Variants in OVCH2 observed in about 807,000 individuals in gnomAD.
The protein encoded by OVCH2 is ovochymase-2.
A neutral mutation model predicts 73.7 loss-of-function variants in OVCH2; 88 were observed. That is an observed-to-expected ratio of 1.19 (90% CI 1.01 to 1.43). The LOEUF (loss-of-function observed/expected upper bound fraction) is 1.43, where lower values mean the gene tolerates loss of function less well. Ranked by LOEUF, OVCH2 falls within the 40% of genes most tolerant of loss-of-function variation. OVCH2 has a pLI of 0.00. For synonymous variants in OVCH2, 265 were observed against 234.5 expected (o/e 1.13, Z -1.19); for missense variants, 706 against 674.5 (o/e 1.05, Z -0.52).
At chr11:7,704,741 T>C in intron 1 of OVCH2, 67 bp from the exon 2 acceptor site, 1 of 1,083,908 alleles carries the variant, frequency 9.2e-7, no homozygotes, top group South Asian at 1.4e-5. Flanking sequence ...ATCTTCTCCA[T>C]TTCACCCATG....
At chr11:7,682,379 G>T in the OVCH2 span, among the ~76,000 whole-genome samples, 1 of 152,168 alleles carries the variant, frequency 6.6e-6, no homozygotes, top group Non-Finnish European at 1.5e-5. Flanking sequence ...TTAAATTTCT[G>T]ATTTCAAATT....
At chr11:7,698,639 G>T in intron 8 of OVCH2, 111 bp downstream of exon 8, 3 of 1,136,746 alleles carry the variant, frequency 2.6e-6, no homozygotes, top group South Asian at 1.5e-5. Flanking sequence ...GGTAGTTTTA[G>T]ACCTACTGAG....
At chr11:7,698,579 G>C (rs550862211) in intron 8 of OVCH2, among the ~76,000 whole-genome samples, 171 bp downstream of exon 8, 4 of 150,346 alleles carry the variant, frequency 2.7e-5, no homozygotes, top group African/African-American at 7.3e-5. Flanking sequence ...AATGAAATGG[G>C]AGGGCAACTG....
At chr11:7,685,345 G>A (rs145456589), downstream of OVCH2, among the ~76,000 whole-genome samples, 285 of 152,220 alleles carry the variant, frequency 1.9e-3, no homozygotes, top group Non-Finnish European at 3.5e-3. Context: ...TGCAAGAGCT[G>A]AGACCCTTCA....
rs1856220617 is a variant in OVCH2 at position 7,691,490 on chromosome 11, C to T, written c.1508-90G>A. On this transcript the variant is annotated intron_variant, in intron 13 of 15. Coordinates refer to ENST00000533663, the MANE Select transcript of OVCH2 (RefSeq NM_198185.7). ...AGAAGAAAAAAAGAAAATCATCCTT[C>T]AGGTAATTGTTGAGAAATACGCTTT... The T allele has an allele frequency of 2.1e-6, 3 of 1,459,704 alleles. No homozygotes were observed. In the South Asian group the frequency reaches 4.1e-5, roughly 20 times the overall value. The allele number at this position is 1,459,704 out of a possible 1,614,324, so 90.4% of individuals were successfully genotyped here.
chr11:7,701,832 G>T, intron 4 of OVCH2, 21 bp from the exon 5 acceptor site: 1 of 1,586,530 alleles, frequency 6.3e-7, no homozygotes, highest in East Asian at 2.3e-5. Flanking sequence ...GAGCAAGGTA[G>T]GGCTTGTCTC....
At chr11:7,680,451 TCTC>T in the OVCH2 span, among the ~76,000 whole-genome samples, 1 of 152,082 alleles carries the variant, frequency 6.6e-6, no homozygotes, top group Non-Finnish European at 1.5e-5. Flanking sequence ...ACAGAGAGGC[TCTC>T]CTCAATTATC....
chr11:7,702,199 A>C lies in OVCH2; in HGVS notation c.421T>G (p.Tyr141Asp). Residue 141 changes from tyrosine to aspartate, a missense_variant, in exon 4 of 16, where the codon TAT (tyrosine) becomes GAT (aspartate). Physicochemically the swap from Tyr to Asp is radical, Grantham distance 160. Coordinates refer to ENST00000533663, the MANE Select transcript of OVCH2 (RefSeq NM_198185.7). ...GCCATCTTCAAAAGGGCAATATCAT[A>C]GTCCATTGGTTTCTTGGTGGAGAAA... ...PHFSTKKPMD[Y>D]DIALLKMAGA... is the part of the protein sequence containing the mutation. 6.2e-7 allele frequency: 1 copy of C among 1,612,594 alleles called. No individual in the cohort carries two copies. Among genetic ancestry groups the C allele is most frequent in the Non-Finnish European group, 8.5e-7 (1 of 1,179,338 alleles).
downstream of OVCH2, among the ~76,000 whole-genome samples, chr11:7,685,493 T>C (rs538613269): frequency 3.4e-4 from 52 of 151,274 alleles, no homozygotes; most frequent in East Asian, 9.6e-4. Context: ...ATAATGAGTT[T>C]CTTAAATATT....
chr11:7,703,558 G>A, intron 3 of OVCH2, 140 bp downstream of exon 3: 2 of 615,832 alleles, frequency 3.2e-6, no homozygotes, highest in Middle Eastern at 2.6e-4. Context: ...CCCCATTTGT[G>A]TCATGCAATT....
chr11:7,704,347 G>A (rs1856495285), intron 2 of OVCH2, among the ~76,000 whole-genome samples: 1 of 151,930 alleles, frequency 6.6e-6, no homozygotes, highest in African/African-American at 2.4e-5. Flanking sequence ...TCTAATTTTT[G>A]CTTATCCTAT....
intron 14 of OVCH2, among the ~76,000 whole-genome samples, chr11:7,690,945 T>G (rs1856208514): frequency 6.6e-6 from 1 of 152,214 alleles, no homozygotes; most frequent in Admixed American, 6.5e-5. Context: ...ATAGTGCTGT[T>G]GGCCATGAAT....
intron 5 of OVCH2, 34 bp from the exon 6 acceptor site, chr11:7,701,509 A>T (rs1366150663): frequency 6.3e-7 from 1 of 1,597,248 alleles, no homozygotes. Context: ...CCCAGCAGGA[A>T]CTCTTTCACC....
downstream of OVCH2, among the ~76,000 whole-genome samples, chr11:7,686,904 C>A (rs1856147004): frequency 6.6e-6 from 1 of 152,148 alleles, no homozygotes; most frequent in Non-Finnish European, 1.5e-5. Flanking sequence ...CCCCAAGTGT[C>A]CTGTGGAGAG....
At chr11:7,706,242 G>T in intron 1 of OVCH2, 65 bp downstream of exon 1, 1 of 1,432,208 alleles carries the variant, frequency 7.0e-7, no homozygotes, top group Non-Finnish European at 9.5e-7. Flanking sequence ...GAGTCTCGGA[G>T]TTGTGACGTC....
the OVCH2 span, among the ~76,000 whole-genome samples, chr11:7,682,850 G>T: frequency 6.6e-6 from 1 of 152,124 alleles, no homozygotes; most frequent in Non-Finnish European, 1.5e-5. Flanking sequence ...AAGATTCCTT[G>T]AAAGAATTGT....
the OVCH2 span, among the ~76,000 whole-genome samples, chr11:7,683,676 C>A: frequency 2.0e-5 from 3 of 152,144 alleles, no homozygotes; most frequent in African/African-American, 7.2e-5. Flanking sequence ...ACAAGCTGTC[C>A]TCCCACCTAC....
chr11:7,688,036 A>G (rs115709076), downstream of OVCH2, among the ~76,000 whole-genome samples: 1,671 of 152,302 alleles, frequency 0.011, 38 homozygotes, highest in African/African-American at 0.038. Flanking sequence ...TTAAGCTTCA[A>G]CACATGAATT....
chr11:7,706,377 G>T lies in OVCH2; in HGVS notation c.18C>A (p.Asn6Lys), dbSNP rs1431566371. The change falls in exon 1 of 16, where the codon AAC (asparagine) becomes AAA (lysine). Residue 6 changes from asparagine to lysine, a missense_variant. Coordinates refer to ENST00000533663, the MANE Select transcript of OVCH2 (RefSeq NM_198185.7). Reference protein sequence around the residue: MLISRNKLILLLGIVF... With the variant: MLISRKKLILLLGIVF... ...CTATTCCTAGTAGTAAAATCAGCTTGTTCCTGCTTATAAGCATTTTGAGAC... is the reference window on the plus strand; with the variant it reads ...CTATTCCTAGTAGTAAAATCAGCTTTTTCCTGCTTATAAGCATTTTGAGAC... 5 of 1,578,512 alleles carry T rather than the reference G, an allele frequency of 3.2e-6. No individual in the cohort carries two copies. The highest frequency in any genetic ancestry group is 1.7e-6 in the Non-Finnish European group (2 of 1,160,008).
Sources: gnomAD v4.1 joint callset for allele counts (sites outside exome capture counted in the v4.1 genomes callset) on GRCh38, gnomAD v4.1.1 for gene constraint, MANE v1.5 for transcripts, NCBI Gene and HGNC (gene_info 2026-07-23, HGNC 2026-07-21) for gene names.